CDK14: variants seen among roughly 807,000 people sequenced by gnomAD.
CDK14 encodes cyclin dependent kinase 14.
Under a neutral mutation model 60.7 loss-of-function variants are expected in CDK14, and 34 were observed. That is an observed-to-expected ratio of 0.56 (90% confidence interval 0.43 to 0.75). CDK14 has a LOEUF of 0.75. CDK14 is among the 30% of genes least tolerant of loss of function. The pLI, the probability that CDK14 is intolerant of heterozygous loss-of-function variation, is 0.00. For synonymous variants in CDK14, 197 were observed against 203.7 expected, an observed-to-expected ratio of 0.97 and a Z score of 0.28; for missense variants, 482 against 564.1, an observed-to-expected ratio of 0.85 and a Z score of 1.47.
intron 11 of CDK14, among the ~76,000 whole-genome samples, chr7:91,075,076 G>A (rs561888493): frequency 1.1e-4 from 16 of 152,264 alleles, no homozygotes; most frequent in East Asian, 3.9e-4. Flanking sequence ...AGAGGAGCTG[G>A]TACTATTCCT....
rs557338297 is a variant in CDK14 at position 90,777,246 on chromosome 7, G to A, written c.465-13327G>A. ...GGCTGTTCAGCTATACCTGAGAGTA[G>A]TAAGTTTTCCAGTAAGGTGCTGTTT... On this transcript the variant is annotated intron_variant, in intron 4 of 14. Coordinates refer to ENST00000380050, the MANE Select transcript of CDK14 (RefSeq NM_001287135.2). Among the ~76,000 whole-genome samples, 4 of 152,330 alleles carry A rather than the reference G, an allele frequency of 2.6e-5. No individual in the cohort carries two copies. In the South Asian group the frequency reaches 8.3e-4, roughly 32 times the overall value.
intron 6 of CDK14, among the ~76,000 whole-genome samples, chr7:90,895,144 T>A (rs1317464962): frequency 6.6e-6 from 1 of 152,172 alleles, no homozygotes; most frequent in African/African-American, 2.4e-5. Context: ...CAGTCTGAAT[T>A]CAGTACCTTT....
intron 5 of CDK14, among the ~76,000 whole-genome samples, chr7:90,803,381 G>A (rs1247323525): frequency 2.0e-5 from 3 of 152,074 alleles, no homozygotes; most frequent in Non-Finnish European, 4.4e-5. Context: ...AAATTAATGG[G>A]CCTCTAAAAA....
intron 10 of CDK14, among the ~76,000 whole-genome samples, chr7:91,000,205 A>G (rs531642166): frequency 6.6e-6 from 1 of 152,348 alleles, no homozygotes; most frequent in East Asian, 1.9e-4. Context: ...GTAGGCCTGC[A>G]GCCCAAGAAT....
chr7:90,726,668 G>A lies in CDK14; in HGVS notation c.225G>A (p.Arg75=), dbSNP rs1802643292. 6.2e-7 allele frequency: 1 copy of A among 1,613,890 alleles called. No individual in the cohort carries two copies. Among genetic ancestry groups the A allele is most frequent in the Non-Finnish European group, 8.5e-7 (1 of 1,179,842 alleles). The part of the protein sequence containing the change: ...IPEDKKVRVQ[R]TQSTFDPFEK... ...AGGATAAAAAAGTCAGAGTTCAGAGGACACAGAGCACTTTTGACCCATTTG... is the reference window on the plus strand; with the variant it reads ...AGGATAAAAAAGTCAGAGTTCAGAGAACACAGAGCACTTTTGACCCATTTG... The change falls in exon 3 of 15, where the codon AGG becomes AGA. Residue 75 remains arginine, a synonymous_variant. Transcript: ENST00000380050.
intron 2 of CDK14, chr7:90,632,241 G>A (rs938262781): frequency 2.3e-5 from 5 of 215,220 alleles, no homozygotes; most frequent in South Asian, 7.1e-5. Context: ...AAGATGAGAA[G>A]AACCACTGGG....
rs762299226 is a variant in CDK14, at chr7:90,673,798, C to T, written c.124-52769C>T. ...TATCCTTACTTTGCTTTCATAGTTA[C>T]TGCTGATTGTACCATTAAGATAATG... is the stretch of plus-strand genomic sequence containing the variant. On this transcript the variant is annotated intron_variant, in intron 2 of 14. Coordinates refer to ENST00000380050, the MANE Select transcript of CDK14 (RefSeq NM_001287135.2). 3.0e-4 allele frequency among the ~76,000 whole-genome samples: 46 copies of T among 152,320 alleles called. 1 individual carries two copies. Among genetic ancestry groups the T allele is most frequent in the Middle Eastern group, 3.4e-3 (1 of 294 alleles).
chr7:90,600,286 T>C (rs1563011621), intron 1 of CDK14, among the ~76,000 whole-genome samples: 1 of 152,324 alleles, frequency 6.6e-6, no homozygotes, highest in East Asian at 1.9e-4. Flanking sequence ...TTGAGTAGTT[T>C]AAGTATTTTA....
At chr7:90,607,550 A>G (rs1174378151) in intron 2 of CDK14, among the ~76,000 whole-genome samples, 1 of 152,254 alleles carries the variant, frequency 6.6e-6, no homozygotes, top group African/African-American at 2.4e-5. Context: ...CCATGATTTC[A>G]GTCTAATCTG....
At chr7:91,100,519 A>G (rs1224764114) in intron 12 of CDK14, among the ~76,000 whole-genome samples, 1 of 152,196 alleles carries the variant, frequency 6.6e-6, no homozygotes, top group East Asian at 1.9e-4. Context: ...CATATATATT[A>G]GTCTATGAAT....
intron 5 of CDK14, among the ~76,000 whole-genome samples, chr7:90,809,188 A>G (rs1788988848): frequency 6.6e-6 from 1 of 152,134 alleles, no homozygotes; most frequent in Non-Finnish European, 1.5e-5. Flanking sequence ...GCACCACACC[A>G]CACCTATTCC....
rs1802989861 is a variant in CDK14, at chr7:91,209,247, T to C, written c.*2111T>C. On this transcript the variant is annotated 3_prime_UTR_variant, in exon 15 of 15. Transcript: ENST00000380050. ...GGGCTATTAGAGTTATATCTCCCTG[T>C]CGTAGGCAGCTTCTTCGGAGAAGTG... 1.3e-5 allele frequency: 2 copies of C among 152,220 alleles called. No homozygotes were observed. Among genetic ancestry groups the C allele is most frequent in the Non-Finnish European group, 2.9e-5 (2 of 68,038 alleles). The allele number at this position is 152,220 out of a possible 1,614,324, so 9.4% of individuals were successfully genotyped here.
chr7:90,863,112 A>G (rs1584058648), intron 5 of CDK14, 63 bp from the exon 6 acceptor site: 2 of 813,856 alleles, frequency 2.5e-6, no homozygotes, highest in African/African-American at 3.5e-5. Flanking sequence ...CAAAATTATA[A>G]TGGTATATAT....
chr7:90,659,573 A>C (rs190976263), intron 2 of CDK14, among the ~76,000 whole-genome samples: 8 of 152,306 alleles, frequency 5.3e-5, no homozygotes, highest in African/African-American at 1.9e-4. Context: ...GGATATGATG[A>C]ATTTGGCCCG....
chr7:90,992,096 A>AAAGTTCT (rs755995604), intron 10 of CDK14, among the ~76,000 whole-genome samples: 12 of 152,214 alleles, frequency 7.9e-5, no homozygotes, highest in Non-Finnish European at 1.6e-4. Context: ...TCTAATAAAG[A>AAAGTTCT]AAGTTCTATG....
At chr7:91,105,290 G>T (rs1046964528) in intron 12 of CDK14, among the ~76,000 whole-genome samples, 2 of 152,238 alleles carry the variant, frequency 1.3e-5, no homozygotes, top group Admixed American at 6.5e-5. Context: ...TAGGAATTGA[G>T]ATTCTCCACA....
At chr7:90,667,897 C>A (rs1031390692) in intron 2 of CDK14, among the ~76,000 whole-genome samples, 1 of 152,044 alleles carries the variant, frequency 6.6e-6, no homozygotes, top group East Asian at 1.9e-4. Flanking sequence ...CTTTATATTC[C>A]GTGGTAGGGA....
At chr7:90,620,671 A>C (rs538690985) in intron 2 of CDK14, among the ~76,000 whole-genome samples, 14 of 152,284 alleles carry the variant, frequency 9.2e-5, no homozygotes, top group Admixed American at 5.2e-4. Flanking sequence ...CCACCGTTTC[A>C]TAGAGCTGGG....
chr7:90,963,682 T>TG (rs1415870185), intron 9 of CDK14, among the ~76,000 whole-genome samples: 114 of 149,418 alleles, frequency 7.6e-4, no homozygotes, highest in African/African-American at 2.6e-3. Context: ...AGACAAAGGT[T>TG]TTTTTTTTTT....
Sources: allele counts gnomAD v4.1 joint callset (sites outside exome capture counted in the v4.1 genomes callset), GRCh38; gene constraint gnomAD v4.1.1; transcripts MANE v1.5; gene names NCBI Gene and HGNC (gene_info 2026-07-23, HGNC 2026-07-21).